Variants in WWOX observed in about 807,000 individuals in gnomAD.
WWOX encodes the protein WW domain containing oxidoreductase.
A neutral mutation model predicts 46.2 loss-of-function variants in WWOX; 69 were observed. That is an observed-to-expected ratio of 1.49 (90% CI 1.23 to 1.82). The LOEUF (loss-of-function observed/expected upper bound fraction) is 1.82. Ranked by LOEUF, WWOX falls within the 40% of genes most tolerant of loss-of-function variation. The probability of loss-of-function intolerance (pLI) is 0.00; values close to 1 mark genes in which losing one functional copy is unlikely to be tolerated. For missense variants in WWOX, 919 were observed against 542.6 expected (o/e 1.69, Z -6.89); for synonymous variants, 359 against 202.6 (o/e 1.77, Z -6.56).
At chr16:78,962,199 G>T (rs1402349165) in intron 8 of WWOX, among the ~76,000 whole-genome samples, 1 of 151,456 alleles carries the variant, frequency 6.6e-6, no homozygotes, top group African/African-American at 2.4e-5. Flanking sequence ...CCACCCTGTG[G>T]ATGACTTTCT....
intron 8 of WWOX, among the ~76,000 whole-genome samples, chr16:79,097,764 G>A (rs576140118): frequency 3.3e-5 from 5 of 152,276 alleles, no homozygotes; most frequent in South Asian, 2.1e-4. Flanking sequence ...TTGGCACAGG[G>A]CATAAGAGAG....
intron 5 of WWOX, among the ~76,000 whole-genome samples, chr16:78,310,548 T>C (rs4447442): frequency 0.25 from 37,562 of 152,146 alleles, 5,456 homozygotes; most frequent in South Asian, 0.45. Context: ...ACAGTAAGAC[T>C]TAGTGGTCAC....
Position 79,211,835 on chromosome 16 carries a change from T to G in WWOX, c.*39T>G, listed in dbSNP as rs761107858. On this transcript the variant is annotated 3_prime_UTR_variant, in exon 9 of 9. Coordinates refer to ENST00000566780, the MANE Select transcript of WWOX (RefSeq NM_016373.4). ...CGGATGGGCACACACACCCGCCCTG[T>G]GTGTGTCCCCTCACGCAAGTGCCAG... 2 of 1,612,752 alleles carry G rather than the reference T, an allele frequency of 1.2e-6. No individual in the cohort carries two copies. The highest frequency in any genetic ancestry group is 2.2e-5 in the South Asian group (2 of 90,958).
chr16:78,518,983 T>C (rs1485706444), intron 8 of WWOX, among the ~76,000 whole-genome samples: 2 of 152,244 alleles, frequency 1.3e-5, no homozygotes, highest in Non-Finnish European at 2.9e-5. Context: ...TTTACTGTCT[T>C]CTGAGCTGAT....
At chr16:78,245,371 A>G (rs1183822246) in intron 5 of WWOX, among the ~76,000 whole-genome samples, 1 of 152,142 alleles carries the variant, frequency 6.6e-6, no homozygotes, top group African/African-American at 2.4e-5. Context: ...CATTTTTCCC[A>G]TTTAAAATTA....
chr16:79,133,544 T>C (rs1346120975), intron 8 of WWOX, among the ~76,000 whole-genome samples: 1 of 152,240 alleles, frequency 6.6e-6, no homozygotes, highest in African/African-American at 2.4e-5. Flanking sequence ...TGTTCTTTTC[T>C]TTTTCCTTCA....
At chr16:78,210,667 A>C (rs190842116) in intron 5 of WWOX, among the ~76,000 whole-genome samples, 1 of 152,202 alleles carries the variant, frequency 6.6e-6, no homozygotes, top group Non-Finnish European at 1.5e-5. Flanking sequence ...TTTTAATGTA[A>C]GGCATTATAT....
intron 8 of WWOX, among the ~76,000 whole-genome samples, chr16:79,033,966 C>CA (rs762961487): frequency 1.3e-5 from 2 of 152,180 alleles, no homozygotes; most frequent in African/African-American, 2.4e-5. Context: ...CTGACTGGCC[C>CA]AGCCAAGGGG....
chr16:79,050,317 G>T (rs1347161534), intron 8 of WWOX, among the ~76,000 whole-genome samples: 1 of 152,154 alleles, frequency 6.6e-6, no homozygotes, highest in Non-Finnish European at 1.5e-5. Flanking sequence ...GGACATGGGT[G>T]GGGCACTTTA....
chr16:78,260,226 A>C (rs1045063560), intron 5 of WWOX, among the ~76,000 whole-genome samples: 11 of 151,488 alleles, frequency 7.3e-5, no homozygotes, highest in African/African-American at 2.7e-4. Flanking sequence ...CCCCCAGCAA[A>C]CTACAGCAGT....
intron 5 of WWOX, among the ~76,000 whole-genome samples, chr16:78,375,665 T>C (rs2081802965): frequency 6.6e-6 from 1 of 152,156 alleles, no homozygotes; most frequent in African/African-American, 2.4e-5. Context: ...GCTATCAAAA[T>C]TTAAAATGTG....
chr16:78,844,123 T>C (rs1288614144), intron 8 of WWOX, among the ~76,000 whole-genome samples: 1 of 152,152 alleles, frequency 6.6e-6, no homozygotes, highest in Non-Finnish European at 1.5e-5. Context: ...ACCGATACTG[T>C]GGTTGAAATC....
chr16:78,446,738 G>T (rs1187283262), intron 8 of WWOX, among the ~76,000 whole-genome samples: 2 of 133,168 alleles, frequency 1.5e-5, no homozygotes, highest in African/African-American at 5.8e-5. Context: ...TCGGCTCACT[G>T]CAGCCTCCGC....
intron 8 of WWOX, among the ~76,000 whole-genome samples, chr16:78,855,261 T>G (rs1054050163): frequency 6.6e-6 from 1 of 152,186 alleles, no homozygotes; most frequent in African/African-American, 2.4e-5. Flanking sequence ...AAGTACTAAA[T>G]AATAAATTAT....
chr16:78,558,934 T>A (rs972880570), intron 8 of WWOX, among the ~76,000 whole-genome samples: 1 of 152,216 alleles, frequency 6.6e-6, no homozygotes, highest in South Asian at 2.1e-4. Context: ...CATGGTCATT[T>A]TGTGGTTATC....
intron 8 of WWOX, among the ~76,000 whole-genome samples, chr16:78,644,879 C>T (rs181611815): frequency 3.9e-5 from 6 of 152,210 alleles, no homozygotes; most frequent in Admixed American, 2.0e-4. Context: ...TGTAGAAAAT[C>T]GGGACGGCAT....
At chr16:78,673,383 T>A (rs994310721) in intron 8 of WWOX, among the ~76,000 whole-genome samples, 5 of 152,152 alleles carry the variant, frequency 3.3e-5, no homozygotes, top group African/African-American at 9.7e-5. Flanking sequence ...CCACGTTTAT[T>A]CTCCAGCCCA....
intron 5 of WWOX, among the ~76,000 whole-genome samples, chr16:78,224,648 A>G (rs1281166430): frequency 1.3e-5 from 2 of 152,188 alleles, no homozygotes; most frequent in Non-Finnish European, 2.9e-5. Flanking sequence ...AGTACACACC[A>G]GTGAGTGATT....
At chr16:78,192,223 G>A (rs1266551673) in intron 5 of WWOX, among the ~76,000 whole-genome samples, 2 of 152,038 alleles carry the variant, frequency 1.3e-5, no homozygotes, top group Admixed American at 6.6e-5. Flanking sequence ...GGCCGGGTAC[G>A]GTGGCTCATG....
Sources: gnomAD v4.1 joint callset for allele counts (sites outside exome capture counted in the v4.1 genomes callset) on GRCh38, gnomAD v4.1.1 for gene constraint, MANE v1.5 for transcripts, NCBI Gene and HGNC (gene_info 2026-07-23, HGNC 2026-07-21) for gene names.